Variants in GCFC2 observed in about 807,000 individuals in gnomAD.
GCFC2 encodes GC-rich sequence DNA-binding factor 2.
In GCFC2, 102 loss-of-function variants were observed where a neutral mutation model predicts 99.4. The ratio of observed to expected loss-of-function variants is 1.03; its 90% confidence interval spans 0.87 to 1.21. The LOEUF (loss-of-function observed/expected upper bound fraction) is 1.21. Among genes scored for constraint, GCFC2 ranks in the 50% most tolerant of loss-of-function variants. GCFC2 has a pLI of 0.00. For synonymous variants in GCFC2, 338 were observed against 316.8 expected (o/e 1.07, Z -0.71); for missense variants, 973 against 920.9 (o/e 1.06, Z -0.73).
At chr2:75,671,651 AC>A (rs1679093131) in intron 14 of GCFC2, among the ~76,000 whole-genome samples, 1 of 152,184 alleles carries the variant, frequency 6.6e-6, no homozygotes, top group Non-Finnish European at 1.5e-5. Context: ...AATGGTTTTA[AC>A]ACTTTTCAAG....
chr2:75,678,811 A>G (rs1187908930), intron 12 of GCFC2, among the ~76,000 whole-genome samples: 1 of 152,134 alleles, frequency 6.6e-6, no homozygotes, highest in Admixed American at 6.5e-5. Context: ...TGGTGGCACA[A>G]TCAAGGCTCA....
At chr2:75,688,122 G>T in intron 10 of GCFC2, 145 bp from the exon 11 acceptor site, 1 of 585,640 alleles carries the variant, frequency 1.7e-6, no homozygotes, top group Non-Finnish European at 2.9e-6. Context: ...GACCACCAAG[G>T]CTAGGCAGGA....
In GCFC2 at chr2:75,666,027, C is replaced by A; in HGVS notation, c.2130G>T (p.Trp710Cys). The change falls in exon 16 of 17, where the codon TGG (tryptophan) becomes TGT (cysteine). Residue 710 changes from tryptophan to cysteine, a missense_variant. By Grantham distance (215) the Trp-to-Cys change is radical. Transcript: ENST00000321027. Reference protein sequence around the residue: ...NQVAACLPEKWFENSAMRTSI... With the variant: ...NQVAACLPEKCFENSAMRTSI... ...ATGTCCTCATGGCAGAATTTTCAAA[C>A]CATTTTTCTGGTAGACATGCTGCTA... The A allele has an allele frequency of 6.2e-7, 1 of 1,607,190 alleles. No individual in the cohort carries two copies. The highest frequency in any genetic ancestry group is 2.2e-5 in the East Asian group (1 of 44,588).
At chr2:75,665,549 AG>A (rs1216249650) in intron 16 of GCFC2, among the ~76,000 whole-genome samples, 1 of 148,542 alleles carries the variant, frequency 6.7e-6, no homozygotes, top group African/African-American at 2.6e-5. Context: ...CGAAACATTC[AG>A]AACAGAGAGC....
In GCFC2 at chr2:75,710,744, G is replaced by C. The variant is rs759823723; in HGVS notation, c.112C>G (p.Pro38Ala). ...EPGAPRELPVPGSAEEEPPSG... is the reference protein window; with the variant it reads ...EPGAPRELPVAGSAEEEPPSG... ...GGCGGCTCTTCCTCCGCAGAACCCG[G>C]GACCGGAAGTTCCCTCGGCGCCCCA... The change falls in exon 1 of 17, where the codon CCG becomes GCG. Residue 38 changes from proline (P) to alanine (A), a missense_variant. Transcript: ENST00000321027. 2.2e-5 allele frequency: 35 copies of C among 1,563,282 alleles called. No homozygotes were observed. In the African/African-American group the frequency reaches 4.8e-4, roughly 21 times the overall value.
chr2:75,689,141 T>C lies in GCFC2; in HGVS notation c.1424A>G (p.Gln475Arg), dbSNP rs757577941. 2.5e-6 allele frequency: 4 copies of C among 1,601,114 alleles called. No individual in the cohort carries two copies. Among genetic ancestry groups the C allele is most frequent in the Admixed American group, 3.4e-5 (2 of 59,556 alleles). The change falls in exon 10 of 17, where the codon CAG (glutamine) becomes CGG (arginine). Residue 475 changes from glutamine (Q) to arginine (R), a missense_variant. Coordinates refer to ENST00000321027, the MANE Select transcript of GCFC2 (RefSeq NM_003203.5). ...GTCAGGAAACTTTTCTCGCCATTGCTGAAATTTCAACAAAATATTCTGGAT... is the reference window on the plus strand; with the variant it reads ...GTCAGGAAACTTTTCTCGCCATTGCCGAAATTTCAACAAAATATTCTGGAT... ...CNIQNILLKF[Q>R]QWREKFPDSY...
chr2:75,706,858 T>C (rs1680894315), intron 1 of GCFC2, among the ~76,000 whole-genome samples: 1 of 151,944 alleles, frequency 6.6e-6, no homozygotes, highest in African/African-American at 2.4e-5. Context: ...TTGTATTATC[T>C]AGGCATCTAA....
At chr2:75,708,501 CTTTT>C (rs34414596) in intron 1 of GCFC2, among the ~76,000 whole-genome samples, 11 of 78,688 alleles carry the variant, frequency 1.4e-4, no homozygotes, top group East Asian at 3.9e-4. Flanking sequence ...CATTTGGCAA[CTTTT>C]TTTTTTTTTT....
chr2:75,693,161 G>A (rs767944404), intron 6 of GCFC2, among the ~76,000 whole-genome samples: 2 of 152,228 alleles, frequency 1.3e-5, no homozygotes, highest in African/African-American at 2.4e-5. Flanking sequence ...AATGTGGGCT[G>A]AGTGCAGTGG....
rs538187262 is a variant in GCFC2, at chr2:75,710,476, C to T, written c.265+115G>A. 5.8e-6 allele frequency: 8 copies of T among 1,390,596 alleles called. No homozygotes were observed. In the East Asian group the frequency reaches 1.5e-4, roughly 26 times the overall value. The allele number at this position is 1,390,596 out of a possible 1,614,324, so 86.1% of individuals were successfully genotyped here. A position where few individuals can be genotyped will look rare whatever the true frequency, so the allele number is the denominator to read the frequency against. On this transcript the variant is annotated intron_variant, in intron 1 of 16. Transcript: ENST00000321027. ...ATAAGTCTTTCTGGATAAGACTCAG[C>T]ATGGCTTGTGGTCGGCAGCAAGTTA...
intron 8 of GCFC2, chr2:75,690,418 T>A (rs975672935): frequency 1.2e-5 from 6 of 520,688 alleles, no homozygotes; most frequent in Non-Finnish European, 3.3e-6. Flanking sequence ...CCCAGCCTGA[T>A]AAATGTCATT....
chr2:75,707,375 C>CA (rs376514870), intron 1 of GCFC2, among the ~76,000 whole-genome samples: 1 of 151,884 alleles, frequency 6.6e-6, no homozygotes, highest in East Asian at 1.9e-4. Flanking sequence ...ATTGAATGAA[C>CA]AAAATAAAGG....
chr2:75,665,056 T>C (rs1678773241), intron 16 of GCFC2, among the ~76,000 whole-genome samples: 1 of 152,152 alleles, frequency 6.6e-6, no homozygotes, highest in Admixed American at 6.5e-5. Context: ...ATTTCAGTAG[T>C]GCTGCGTTGC....
In GCFC2 at chr2:75,670,225, T is replaced by C. The variant is rs1679033608; in HGVS notation, c.2016A>G (p.Leu672=). ...AACGATTTAGCAGCTTCCCTAGTCC[T>C]AGTTCTTGCAAGGTGTCATCTGTAA... is the stretch of plus-strand genomic sequence containing the variant. The part of the protein sequence containing the change: ...GLLTDDTLQE[L]GLGKLLNRYL... Residue 672 remains leucine (L), a synonymous_variant, in exon 15 of 17, where the codon CTA becomes CTG. Transcript: ENST00000321027. 3.1e-6 allele frequency: 5 copies of C among 1,606,202 alleles called. No homozygotes were observed. The East Asian group carries it at 1.1e-4, about 36-fold the overall frequency.
chr2:75,711,048 T>C, upstream of GCFC2: 2 of 1,322,640 alleles, frequency 1.5e-6, no homozygotes, highest in Non-Finnish European at 1.9e-6. Context: ...GGCCGAGTTC[T>C]GTTCTGGGGC....
intron 11 of GCFC2, among the ~76,000 whole-genome samples, chr2:75,682,942 T>C (rs1305004902): frequency 6.6e-6 from 1 of 151,826 alleles, no homozygotes; most frequent in African/African-American, 2.4e-5. Flanking sequence ...TATGGGACTA[T>C]GTGAAAAGAC....
intron 1 of GCFC2, among the ~76,000 whole-genome samples, chr2:75,709,046 T>A (rs1160217132): frequency 6.6e-6 from 1 of 152,212 alleles, no homozygotes; most frequent in Non-Finnish European, 1.5e-5. Flanking sequence ...ATTAAAGAGA[T>A]CTGTAAATTG....
intron 3 of GCFC2, 53 bp from the exon 4 acceptor site, chr2:75,701,340 G>T: frequency 4.0e-6 from 4 of 994,466 alleles, no homozygotes; most frequent in Middle Eastern, 4.2e-4. Context: ...CATTTTAATT[G>T]CAGCAAGCCA....
chr2:75,694,383 T>A lies in GCFC2; in HGVS notation c.878A>T (p.Tyr293Phe). ...TTTGACATCTTGTACGTATTTTTCA[T>A]ACTCCCTCAGGTGTGAGCGGTGAGT... is the stretch of plus-strand genomic sequence containing the variant. ...QETHRSHLRE[Y>F]EKYVQDVKSS... The change falls in exon 6 of 17, where the codon TAT becomes TTT. Residue 293 changes from tyrosine to phenylalanine, a missense_variant. Transcript: ENST00000321027. The A allele has an allele frequency of 6.5e-7, 1 of 1,533,494 alleles. No individual in the cohort carries two copies. The highest frequency in any genetic ancestry group is 8.9e-7 in the Non-Finnish European group (1 of 1,126,390). The allele number at this position is 1,533,494 out of a possible 1,614,324, so 95.0% of individuals were successfully genotyped here.
Sources: allele counts gnomAD v4.1 joint callset (sites outside exome capture counted in the v4.1 genomes callset), GRCh38; gene constraint gnomAD v4.1.1; transcripts MANE v1.5; gene names NCBI Gene and HGNC (gene_info 2026-07-23, HGNC 2026-07-21).